Variants in P2RX1 observed in about 807,000 individuals in gnomAD.
The protein encoded by P2RX1 is P2X purinoceptor 1.
In P2RX1, 42 loss-of-function variants were observed where a neutral mutation model predicts 50.3. The ratio of observed to expected loss-of-function variants is 0.83; its 90% CI spans 0.65 to 1.08. The LOEUF (loss-of-function observed/expected upper bound fraction) is 1.08, where lower values mean the gene tolerates loss of function less well. P2RX1 is among the 50% of genes least tolerant of loss of function. The pLI is 0.00. For synonymous variants in P2RX1, 199 were observed against 202.6 expected (o/e 0.98, Z 0.15); for missense variants, 449 against 529.0 (o/e 0.85, Z 1.48).
In P2RX1 at chr17:3,904,946, G is replaced by C; in HGVS notation, c.286-17C>G. 2 of 1,334,348 alleles carry C rather than the reference G, an allele frequency of 1.5e-6. No homozygotes were observed. The highest frequency in any genetic ancestry group is 2.1e-6 in the Non-Finnish European group (2 of 941,970). The allele number at this position is 1,334,348 out of a possible 1,614,324, so 82.7% of individuals were successfully genotyped here. A position where few individuals can be genotyped will look rare whatever the true frequency, so the allele number is the denominator to read the frequency against. ...GTTGTCCCCCTAGAAGTGAGGGGCA[G>C]GGGGAGGGTGGGGTGGGCTGGGAGC... On this transcript the variant is annotated splice_polypyrimidine_tract_variant and intron_variant, in intron 2 of 11. Transcript: ENST00000225538.
At chr17:3,901,078 T>G (rs1250315340) in intron 7 of P2RX1, among the ~76,000 whole-genome samples, 1 of 151,928 alleles carries the variant, frequency 6.6e-6, no homozygotes, top group East Asian at 1.9e-4. Flanking sequence ...TTTTTTTTTC[T>G]TTTTTGTGAG....
chr17:3,915,886 G>C, intron 1 of P2RX1: 1 of 719,004 alleles, frequency 1.4e-6, no homozygotes. Context: ...AAGGCCCCCG[G>C]GCAGGGCTTC....
At chr17:3,912,797 A>C (rs949421569) in intron 1 of P2RX1, among the ~76,000 whole-genome samples, 4 of 152,094 alleles carry the variant, frequency 2.6e-5, no homozygotes, top group Admixed American at 1.3e-4. Context: ...CGGTCCCTGG[A>C]TGTGTTTCTC....
chr17:3,898,374 T>A, intron 10 of P2RX1, 110 bp downstream of exon 10: 1 of 912,310 alleles, frequency 1.1e-6, no homozygotes, highest in South Asian at 1.4e-5. Context: ...GGCTCAAAAA[T>A]GATAGACAGT....
Position 3,904,889 on chromosome 17 carries a change from G to A in P2RX1, c.326C>T (p.Thr109Ile). Reference sequence around the variant, plus strand: ...GCAGTAGCCTTGAGTCTGCTTCGGGGTCACGATGAAATTGGTCATGACCAC... The same window carrying A: ...GCAGTAGCCTTGAGTCTGCTTCGGGATCACGATGAAATTGGTCATGACCAC... ...SFVVMTNFIV[T>I]PKQTQGYCAE... The change falls in exon 3 of 12, where the codon ACC (threonine) becomes ATC (isoleucine). Residue 109 changes from threonine (T) to isoleucine (I), a missense_variant. Thr to Ile is a moderately conservative substitution (Grantham distance 89). Coordinates refer to ENST00000225538, the MANE Select transcript of P2RX1 (RefSeq NM_002558.4). The A allele has an allele frequency of 6.6e-7, 1 of 1,518,936 alleles. No homozygotes were observed. The allele number at this position is 1,518,936 out of a possible 1,614,324, so 94.1% of individuals were successfully genotyped here. A position where few individuals can be genotyped will look rare whatever the true frequency, so the allele number is the denominator to read the frequency against.
rs752021442 is a variant in P2RX1 at position 3,903,352 on chromosome 17, G to A, written c.606-9C>T. On this transcript the variant is annotated splice_polypyrimidine_tract_variant and intron_variant, in intron 6 of 11. Coordinates refer to ENST00000225538, the MANE Select transcript of P2RX1 (RefSeq NM_002558.4). The surrounding 1 kb of genome is among the most constrained non-coding windows in gnomAD (Gnocchi z 4.6). ...CCTCCACCAGGTTGCGCCTGTGGGG[G>A]TGGAAGGTGTTGACAGCTGCTGTGT... 1.9e-6 allele frequency: 3 copies of A among 1,614,010 alleles called. No individual in the cohort carries two copies. Among genetic ancestry groups the A allele is most frequent in the Non-Finnish European group, 2.5e-6 (3 of 1,180,016 alleles).
chr17:3,904,424 C>G, intron 3 of P2RX1, 25 bp from the exon 4 acceptor site: 1 of 1,607,742 alleles, frequency 6.2e-7, no homozygotes, highest in Non-Finnish European at 8.5e-7. Context: ...AGCTGCTGGT[C>G]CCAGGCCCCT....
chr17:3,897,748 T>C lies in P2RX1; in HGVS notation c.*66A>G. On this transcript the variant is annotated 3_prime_UTR_variant, in exon 12 of 12. Coordinates refer to ENST00000225538, the MANE Select transcript of P2RX1 (RefSeq NM_002558.4). ...CCTGGGGAGGCCCCTCTGCCCTGGC[T>C]GGGACCCACCAGGGCTCCAGGCTGA... The C allele has an allele frequency of 6.7e-7, 1 of 1,487,034 alleles. No homozygotes were observed. Among genetic ancestry groups the C allele is most frequent in the Non-Finnish European group, 9.3e-7 (1 of 1,074,870 alleles). The allele number at this position is 1,487,034 out of a possible 1,614,324, so 92.1% of individuals were successfully genotyped here. A position where few individuals can be genotyped will look rare whatever the true frequency, so the allele number is the denominator to read the frequency against.
At chr17:3,904,712 G>A in intron 3 of P2RX1, 146 bp downstream of exon 3, 2 of 683,384 alleles carry the variant, frequency 2.9e-6, no homozygotes, top group Admixed American at 2.1e-5. Context: ...GACAGTTGCT[G>A]TGTGTGAATA....
At chr17:3,904,193 G>T in intron 4 of P2RX1, 137 bp downstream of exon 4, 1 of 1,012,706 alleles carries the variant, frequency 9.9e-7, no homozygotes, top group Non-Finnish European at 1.5e-6. Context: ...AGGGGAGACG[G>T]CAGGAGGGAG....
At chr17:3,904,959 G>T in intron 2 of P2RX1, 30 bp from the exon 3 acceptor site, 2 of 1,248,944 alleles carry the variant, frequency 1.6e-6, no homozygotes, top group Admixed American at 2.0e-5. Flanking sequence ...GGAGGGTGGG[G>T]TGGGCTGGGA....
At chr17:3,901,714 C>T (rs2056149650) in intron 7 of P2RX1, among the ~76,000 whole-genome samples, 1 of 152,338 alleles carries the variant, frequency 6.6e-6, no homozygotes, top group East Asian at 1.9e-4. Flanking sequence ...ACTGCAAGGG[C>T]AGGACTAATA....
Position 3,904,079 on chromosome 17 carries a change from AGACCCCTTCTCCAGGAGCTCCCAGT to A in P2RX1, c.428-80_428-56del, listed in dbSNP as rs1359503628. On this transcript the variant is annotated intron_variant, in intron 4 of 11. Coordinates refer to ENST00000225538, the MANE Select transcript of P2RX1 (RefSeq NM_002558.4). ...TGCACTAAACAGAGGAGGCCGCCCC[AGACCCCTTCTCCAGGAGCTCCCAGT>A]GACGGGCCACTCAAGCAAAGGAGCC... is the stretch of plus-strand genomic sequence containing the variant. The A allele has an allele frequency of 1.2e-5, 17 of 1,407,118 alleles. 1 individual carries two copies. The highest frequency in any genetic ancestry group is 1.8e-4 in the Middle Eastern group (1 of 5,558). The allele number at this position is 1,407,118 out of a possible 1,614,324, so 87.2% of individuals were successfully genotyped here.
chr17:3,905,452 G>T, intron 1 of P2RX1, 85 bp from the exon 2 acceptor site: 1 of 1,479,374 alleles, frequency 6.8e-7, no homozygotes, highest in Non-Finnish European at 9.3e-7. Context: ...CCCCAGATGT[G>T]CCTCTGAGCC....
intron 7 of P2RX1, among the ~76,000 whole-genome samples, chr17:3,900,723 G>C (rs2056123371): frequency 6.6e-6 from 1 of 152,128 alleles, no homozygotes; most frequent in Non-Finnish European, 1.5e-5. Context: ...TTTATTTAGT[G>C]TGATTATGTA....
intron 7 of P2RX1, among the ~76,000 whole-genome samples, chr17:3,900,188 C>T (rs904263061): frequency 7.2e-5 from 11 of 152,220 alleles, no homozygotes; most frequent in East Asian, 1.9e-4. Context: ...CGTGGTGGCT[C>T]GCACCTGTAA....
chr17:3,901,565 C>T (rs138859407), intron 7 of P2RX1, among the ~76,000 whole-genome samples: 210 of 152,320 alleles, frequency 1.4e-3, no homozygotes, highest in African/African-American at 4.6e-3. Context: ...CCCATATAGC[C>T]GGCAAAGCTG....
At chr17:3,913,132 C>CT (rs555976939) in intron 1 of P2RX1, among the ~76,000 whole-genome samples, 15,349 of 134,970 alleles carry the variant, frequency 0.11, 2,561 homozygotes, top group African/African-American at 0.36. Flanking sequence ...CTGAGACCAT[C>CT]TTTTTTTTTT....
At chr17:3,915,764 C>T (rs1312592994) in intron 1 of P2RX1, 3 of 508,514 alleles carry the variant, frequency 5.9e-6, no homozygotes, top group Non-Finnish European at 1.1e-5. Context: ...AGGTCGAGGA[C>T]TCAGTGGCTG....
Sources: gnomAD v4.1 joint callset for allele counts (sites outside exome capture counted in the v4.1 genomes callset) on GRCh38, gnomAD v4.1.1 for gene constraint, Gnocchi (gnomAD v3.1) non-coding constraint, MANE v1.5 for transcripts, NCBI Gene and HGNC (gene_info 2026-07-23, HGNC 2026-07-21) for gene names.